The following COL4A5 variants were observed in gnomAD, a reference collection of about 807,000 sequenced individuals.
COL4A5 encodes collagen alpha-5(IV) chain.
A neutral mutation model predicts 130.2 loss-of-function variants in COL4A5; 26 were observed. That is an observed-to-expected ratio of 0.20 (90% CI 0.15 to 0.28). The LOEUF is 0.28. COL4A5 is among the 10% of genes least tolerant of loss of function. The pLI, the probability that COL4A5 is intolerant of heterozygous loss-of-function variation, is 1.00. For missense variants in COL4A5, 1,131 were observed against 1,344.3 expected, an observed-to-expected ratio of 0.84 and a Z score of 2.48; for synonymous variants, 496 against 439.6, an observed-to-expected ratio of 1.13 and a Z score of -1.60.
chrX:108,490,229 C>T (rs1482426927), intron 1 of COL4A5, among the ~76,000 whole-genome samples: 2 of 111,970 alleles, frequency 1.8e-5, no homozygotes, highest in African/African-American at 6.5e-5. Context: ...GTTCCAACAT[C>T]GCATATATTC....
At chrX:108,605,711 C>T (rs760978266) in intron 28 of COL4A5, among the ~76,000 whole-genome samples, 7 of 111,765 alleles carry the variant, frequency 6.3e-5, no homozygotes, top group African/African-American at 1.6e-4. Flanking sequence ...TATGCCTGTA[C>T]GATGGTCTGC....
chrX:108,462,058 T>A (rs1409226710), intron 1 of COL4A5, among the ~76,000 whole-genome samples: 3 of 111,971 alleles, frequency 2.7e-5, no homozygotes. Flanking sequence ...GAGCCTAAAG[T>A]TTCATCTCCT....
intron 1 of COL4A5, among the ~76,000 whole-genome samples, chrX:108,529,622 T>TA (rs2065359383): frequency 1.8e-5 from 2 of 111,316 alleles, no homozygotes; most frequent in African/African-American, 3.3e-5. Context: ...AATGAATTTT[T>TA]AAAAAAACAT....
intron 2 of COL4A5, among the ~76,000 whole-genome samples, chrX:108,544,774 C>T (rs1224996279): frequency 9.0e-6 from 1 of 111,278 alleles, no homozygotes; most frequent in Non-Finnish European, 1.9e-5. Flanking sequence ...TTAATTATTG[C>T]CTCAATTTCA....
intron 49 of COL4A5, chrX:108,689,514 G>T: frequency 5.3e-6 from 4 of 753,189 alleles, no homozygotes; most frequent in Non-Finnish European, 6.3e-6. Context: ...CTATAAACTG[G>T]CCCTGACTCT....
At chrX:108,522,163 ATAT>A (rs1385078317) in intron 1 of COL4A5, among the ~76,000 whole-genome samples, 1 of 111,215 alleles carries the variant, frequency 9.0e-6, no homozygotes, top group Non-Finnish European at 1.9e-5. Flanking sequence ...TTGCCAAATA[ATAT>A]TATATTGTAT....
At chrX:108,440,307 A>T in intron 1 of COL4A5, 101 bp downstream of exon 1, 1 of 560,452 alleles carries the variant, frequency 1.8e-6, no homozygotes, top group Admixed American at 2.9e-5. Flanking sequence ...TTTGGCGTTG[A>T]CTAGGGAATT....
intron 50 of COL4A5, chrX:108,694,250 A>G (rs1429914765): frequency 8.5e-6 from 1 of 117,670 alleles, no homozygotes; most frequent in Non-Finnish European, 1.8e-5. Flanking sequence ...ACTTGATTTT[A>G]TAGATTTCAG....
rs368541565 is a variant in COL4A5 at position 108,571,707 on chromosome X, G to T, written c.439-104G>T. 112 of 629,754 alleles carry T rather than the reference G, an allele frequency of 1.8e-4. No individual in the cohort carries two copies. In the Middle Eastern group the frequency reaches 4.1e-3, roughly 23 times the overall value. 51.9% of individuals were successfully genotyped at this position (629,754 alleles called of 1,213,427 possible). ...AAGGTATATCCTATTCAGAAATGAC[G>T]CTACAGCAGTCTACTCATTTTATAC... is the stretch of plus-strand genomic sequence containing the variant. On this transcript the variant is annotated intron_variant, in intron 7 of 52. Transcript: ENST00000328300.
intron 2 of COL4A5, among the ~76,000 whole-genome samples, chrX:108,553,266 C>T (rs1386797132): frequency 9.0e-6 from 1 of 111,543 alleles, no homozygotes; most frequent in Non-Finnish European, 1.9e-5. Flanking sequence ...ACTTGTTCTC[C>T]TCTAAAAGTA....
At chrX:108,513,298 A>C (rs1328829042) in intron 1 of COL4A5, among the ~76,000 whole-genome samples, 2 of 106,228 alleles carry the variant, frequency 1.9e-5, no homozygotes, top group African/African-American at 6.8e-5. Context: ...ACTCTGTCTC[A>C]AAAAAAAAAA....
intron 1 of COL4A5, among the ~76,000 whole-genome samples, chrX:108,474,138 A>G (rs1211153287): frequency 9.0e-6 from 1 of 111,533 alleles, no homozygotes; most frequent in Non-Finnish European, 1.9e-5. Flanking sequence ...AGTAATATGC[A>G]GCAATATCCT....
At chrX:108,630,265 C>G (rs1043672196) in intron 36 of COL4A5, among the ~76,000 whole-genome samples, 13 of 111,933 alleles carry the variant, frequency 1.2e-4, no homozygotes, top group Admixed American at 3.8e-4. Context: ...CTAGTTTACA[C>G]TCCCACCAAC....
intron 7 of COL4A5, 84 bp from the exon 8 acceptor site, chrX:108,571,727 T>C (rs1308049973): frequency 8.3e-5 from 61 of 738,865 alleles, no homozygotes; most frequent in Non-Finnish European, 1.3e-4. Context: ...TCTACTCATT[T>C]TATACTCTAT....
At chrX:108,674,441 G>A (rs2147969979) in intron 42 of COL4A5, 1 of 219,239 alleles carries the variant, frequency 4.6e-6, no homozygotes, top group African/African-American at 2.9e-5. Context: ...TTTTTGGAAA[G>A]CCACAGTAGC....
At chrX:108,653,490 G>A (rs1024329808) in intron 36 of COL4A5, among the ~76,000 whole-genome samples, 1 of 111,246 alleles carries the variant, frequency 9.0e-6, no homozygotes, top group Non-Finnish European at 1.9e-5. Context: ...GATGGAATGG[G>A]ACAACATGAC....
rs1187433238 is a variant in COL4A5, at chrX:108,578,279, T to C, written c.688-12T>C. On this transcript the variant is annotated splice_polypyrimidine_tract_variant and intron_variant, in intron 12 of 52. Coordinates refer to ENST00000328300, the MANE Select transcript of COL4A5 (RefSeq NM_033380.3). Reference sequence around the variant, plus strand: ...GAAGTATCACCACTGTCTTATTTTATCTTGCAAACAGGGTGAGCAAGGTCT... The same window carrying C: ...GAAGTATCACCACTGTCTTATTTTACCTTGCAAACAGGGTGAGCAAGGTCT... The C allele has an allele frequency of 8.3e-7, 1 of 1,199,070 alleles. No individual in the cohort carries two copies. The highest frequency in any genetic ancestry group is 2.2e-5 in the Admixed American group (1 of 45,810).
At chrX:108,515,000 A>T (rs1423963592) in intron 1 of COL4A5, among the ~76,000 whole-genome samples, 1 of 111,991 alleles carries the variant, frequency 8.9e-6, no homozygotes, top group Non-Finnish European at 1.9e-5. Flanking sequence ...ACCATTGGGA[A>T]TCCTGTGTAT....
intron 2 of COL4A5, among the ~76,000 whole-genome samples, chrX:108,545,361 T>A (rs1430532706): frequency 8.9e-6 from 1 of 111,978 alleles, no homozygotes; most frequent in African/African-American, 3.3e-5. Flanking sequence ...TTCATTTCCT[T>A]ATGTACCCAG....
Sources: allele counts gnomAD v4.1 joint callset (sites outside exome capture counted in the v4.1 genomes callset), GRCh38; gene constraint gnomAD v4.1.1; transcripts MANE v1.5; gene names NCBI Gene and HGNC (gene_info 2026-07-23, HGNC 2026-07-21).